The following C12orf42 variants were observed in gnomAD, a reference collection of about 807,000 sequenced individuals.
The protein encoded by C12orf42 is chromosome 12 open reading frame 42.
C12orf42 carries 25 observed loss-of-function variants against 21.6 expected under a neutral mutation model. That is an observed-to-expected ratio of 1.16 (90% confidence interval 0.84 to 1.62). The LOEUF (loss-of-function observed/expected upper bound fraction) is 1.62, where lower values mean the gene tolerates loss of function less well. Among genes scored for constraint, C12orf42 ranks in the 40% most tolerant of loss-of-function variants. The pLI is 0.00. For synonymous variants in C12orf42, 174 were observed against 175.0 expected (o/e 0.99, Z 0.05); for missense variants, 483 against 459.3 (o/e 1.05, Z -0.47).
chr12:103,458,715 C>T lies in C12orf42; in HGVS notation c.78+19634G>A, dbSNP rs1952481313. The stretch of plus-strand genomic sequence containing the variant: ...CTTGTCCAGTTTCTTGGATGGACCA[C>T]AGGGGCCTGGGTAACCACACCTTTG... On this transcript the variant is annotated intron_variant, in intron 2 of 5. Transcript: ENST00000548883. Among the ~76,000 whole-genome samples the T allele has an allele frequency of 2.0e-5, 3 of 152,258 alleles. No individual in the cohort carries two copies. In the South Asian group the frequency reaches 6.2e-4, roughly 32 times the overall value.
chr12:103,166,474 G>C, the C12orf42 span, among the ~76,000 whole-genome samples: 1 of 152,142 alleles, frequency 6.6e-6, no homozygotes, highest in East Asian at 1.9e-4. Context: ...TGTAGGTATT[G>C]TTATTCTTAT....
chr12:103,287,016 A>G (rs1175564782), intron 4 of C12orf42, among the ~76,000 whole-genome samples: 1 of 152,082 alleles, frequency 6.6e-6, no homozygotes, highest in Non-Finnish European at 1.5e-5. Context: ...ACCATCTCAC[A>G]CCAGTTAGAA....
intron 4 of C12orf42, among the ~76,000 whole-genome samples, chr12:103,294,424 G>GAT (rs1555245876): frequency 8.9e-5 from 5 of 56,286 alleles, no homozygotes. Flanking sequence ...AGAGAAAGGA[G>GAT]AGAGAGAAAG....
At chr12:103,218,003 C>T in the C12orf42 span, among the ~76,000 whole-genome samples, 1 of 152,146 alleles carries the variant, frequency 6.6e-6, no homozygotes, top group Non-Finnish European at 1.5e-5. Context: ...AATCCTCGGC[C>T]AGGCACGGTG....
the C12orf42 span, among the ~76,000 whole-genome samples, chr12:103,130,731 G>A: frequency 6.6e-6 from 1 of 152,198 alleles, no homozygotes; most frequent in African/African-American, 2.4e-5. Flanking sequence ...GAGTACGTCA[G>A]GAGGCTGAGC....
chr12:103,458,610 C>T (rs1952474728), intron 2 of C12orf42, among the ~76,000 whole-genome samples: 1 of 152,122 alleles, frequency 6.6e-6, no homozygotes, highest in East Asian at 1.9e-4. Flanking sequence ...AGTAAATGTT[C>T]ATTCATTTTT....
chr12:103,070,515 TACACAC>T, the C12orf42 span, among the ~76,000 whole-genome samples: 4,231 of 120,110 alleles, frequency 0.035, 155 homozygotes, highest in African/African-American at 0.097. Context: ...TACATACACA[TACACAC>T]ACACACACAC....
chr12:103,052,989 C>T, the C12orf42 span, among the ~76,000 whole-genome samples: 1 of 151,832 alleles, frequency 6.6e-6, no homozygotes, highest in Non-Finnish European at 1.5e-5. Context: ...AGACTCTATC[C>T]CCTTTATCTT....
chr12:103,063,773 T>C, the C12orf42 span, among the ~76,000 whole-genome samples: 1 of 152,154 alleles, frequency 6.6e-6, no homozygotes, highest in Non-Finnish European at 1.5e-5. Context: ...AGATATGCTA[T>C]GCTGATAAAG....
chr12:103,106,602 G>A, the C12orf42 span, among the ~76,000 whole-genome samples: 1 of 151,674 alleles, frequency 6.6e-6, no homozygotes, highest in African/African-American at 2.4e-5. Flanking sequence ...TGTGAATACA[G>A]AGTTTAAAAT....
chr12:103,339,348 C>T (rs1174625651), intron 4 of C12orf42, among the ~76,000 whole-genome samples: 6 of 152,142 alleles, frequency 3.9e-5, no homozygotes. Context: ...CCCATCGTCT[C>T]CCTCCTTCTA....
At chr12:103,205,487 C>T in the C12orf42 span, among the ~76,000 whole-genome samples, 9 of 152,072 alleles carry the variant, frequency 5.9e-5, no homozygotes, top group African/African-American at 1.9e-4. Context: ...GAAAAACTTG[C>T]CCCCATGATT....
chr12:103,401,265 T>C (rs934209398), intron 3 of C12orf42, among the ~76,000 whole-genome samples: 4 of 152,154 alleles, frequency 2.6e-5, no homozygotes, highest in Admixed American at 2.6e-4. Context: ...GATGGTAAGA[T>C]AAAATTATTG....
the C12orf42 span, among the ~76,000 whole-genome samples, chr12:103,080,095 T>C: frequency 6.6e-6 from 1 of 152,150 alleles, no homozygotes; most frequent in Non-Finnish European, 1.5e-5. Flanking sequence ...CACTTGGCTA[T>C]GACTTGAAGT....
the C12orf42 span, among the ~76,000 whole-genome samples, chr12:103,134,790 A>T: frequency 6.6e-6 from 1 of 152,142 alleles, no homozygotes; most frequent in Non-Finnish European, 1.5e-5. Flanking sequence ...AAATGCAAAA[A>T]CTTCTTCTCC....
chr12:103,460,077 T>C (rs1364110911), intron 2 of C12orf42, among the ~76,000 whole-genome samples: 1 of 151,970 alleles, frequency 6.6e-6, no homozygotes, highest in Non-Finnish European at 1.5e-5. Context: ...TCATAAAGAG[T>C]ATTAATTAAG....
chr12:103,542,887 G>A, the C12orf42 span, among the ~76,000 whole-genome samples: 1 of 152,224 alleles, frequency 6.6e-6, no homozygotes, highest in Admixed American at 6.5e-5. Context: ...CTGCAGCAGA[G>A]AAAGACACTG....
chr12:103,395,485 A>G (rs2047447493), intron 3 of C12orf42, among the ~76,000 whole-genome samples: 2 of 151,824 alleles, frequency 1.3e-5, no homozygotes, highest in Non-Finnish European at 2.9e-5. Flanking sequence ...ACAGGCGCCC[A>G]CCACCACGCC....
chr12:103,097,655 C>T, the C12orf42 span, among the ~76,000 whole-genome samples: 1 of 152,070 alleles, frequency 6.6e-6, no homozygotes, highest in East Asian at 1.9e-4. Flanking sequence ...AATGTCTCAA[C>T]CAAATTAAGC....
Sources: allele counts gnomAD v4.1 joint callset (sites outside exome capture counted in the v4.1 genomes callset), GRCh38; gene constraint gnomAD v4.1.1; transcripts MANE v1.5; gene names NCBI Gene and HGNC (gene_info 2026-07-23, HGNC 2026-07-21).